The following HERC2 variants were observed in gnomAD, a reference collection of about 807,000 sequenced individuals.
HERC2 encodes E3 ubiquitin-protein ligase HERC2.
HERC2 carries 102 observed loss-of-function variants against 537.7 expected under a neutral mutation model. That is an observed-to-expected ratio of 0.19 (90% CI 0.16 to 0.22). HERC2 has a LOEUF of 0.22. Among genes scored for constraint, HERC2 ranks in the 10% least tolerant of loss-of-function variants. The pLI is 1.00. For missense variants in HERC2, 4,236 were observed against 6,198.2 expected (o/e 0.68, Z 10.63); for synonymous variants, 2,224 against 2,466.2 (o/e 0.90, Z 2.91).
intron 45 of HERC2, among the ~76,000 whole-genome samples, chr15:28,204,192 G>A (rs1325892741): frequency 6.6e-6 from 1 of 152,088 alleles, no homozygotes; most frequent in African/African-American, 2.4e-5. Flanking sequence ...ATATGTGAAG[G>A]ACAACAACCA....
chr15:28,143,785 C>G (rs1891465324), intron 74 of HERC2, 88 bp downstream of exon 74: 1 of 1,542,972 alleles, frequency 6.5e-7, no homozygotes, highest in Non-Finnish European at 8.9e-7. Context: ...CCCAACTCCT[C>G]TCAACGATTT....
chr15:28,275,000 C>A lies in HERC2; in HGVS notation c.548G>T (p.Arg183Leu), dbSNP rs139657402. 32 of 1,604,226 alleles carry A rather than the reference C, an allele frequency of 2.0e-5. No individual in the cohort carries two copies. The highest frequency in any genetic ancestry group is 2.5e-5 in the Non-Finnish European group (30 of 1,178,416). The change falls in exon 6 of 93, where the codon CGG becomes CTG. Residue 183 changes from arginine (R) to leucine (L), a missense_variant. Arg to Leu is a moderately radical substitution (Grantham distance 102). Transcript: ENST00000261609. ...SLPPVDKKSS[R>L]PAGKGVEGLA... The stretch of plus-strand genomic sequence containing the variant: ...CCCCTCCACACCTTTGCCCGCAGGC[C>A]GGGAACTGCAGACGACACACACGGA...
At chr15:28,315,816 G>T in intron 2 of HERC2, 1 of 979,506 alleles carries the variant, frequency 1.0e-6, no homozygotes, top group South Asian at 1.3e-5. Flanking sequence ...CAGAAACATG[G>T]AATGCCAGAC....
chr15:28,319,242 A>T (rs1282881423), intron 2 of HERC2, among the ~76,000 whole-genome samples: 9 of 152,262 alleles, frequency 5.9e-5, no homozygotes, highest in African/African-American at 2.2e-4. Context: ...CCTCTGGTGC[A>T]CACTATCCAA....
At chr15:28,219,855 A>C (rs1419568386) in intron 37 of HERC2, among the ~76,000 whole-genome samples, 2 of 152,198 alleles carry the variant, frequency 1.3e-5, no homozygotes, top group African/African-American at 2.4e-5. Flanking sequence ...ACAGCTAAGA[A>C]ATGTCACGAA....
intron 69 of HERC2, among the ~76,000 whole-genome samples, chr15:28,154,431 G>A (rs1290020654): frequency 2.0e-5 from 3 of 152,164 alleles, no homozygotes; most frequent in South Asian, 2.1e-4. Context: ...GTTTGAAAAC[G>A]GCCGTATCCT....
At chr15:28,147,880 A>G (rs1891929419) in intron 70 of HERC2, among the ~76,000 whole-genome samples, 1 of 151,896 alleles carries the variant, frequency 6.6e-6, no homozygotes, top group Non-Finnish European at 1.5e-5. Flanking sequence ...ACAAAAAATA[A>G]AAATAAGTTA....
rs367649289 is a variant in HERC2 at position 28,202,398 on chromosome 15, A to G, written c.7429T>C (p.Phe2477Leu). Residue 2477 changes from phenylalanine to leucine, a missense_variant, in exon 46 of 93, where the codon TTT (phenylalanine) becomes CTT (leucine). This residue lies in a region of HERC2 where 606 missense variants were observed against 884.5 expected (regional missense o/e 0.69). Coordinates refer to ENST00000261609, the MANE Select transcript of HERC2 (RefSeq NM_004667.6). ...GCACCAGTGAGAGACTTCAGGGCAA[A>G]CTCGATGTTCCTTCTGGAAAATCCC... is the stretch of plus-strand genomic sequence containing the variant. ...EMGFSRRNIEFALKSLTGASG... is the reference protein window; with the variant it reads ...EMGFSRRNIELALKSLTGASG... The G allele has an allele frequency of 5.0e-6, 8 of 1,613,044 alleles. No homozygotes were observed. The African/African-American group carries it at 8.0e-5, about 16-fold the overall frequency.
chr15:28,260,860 A>C lies in HERC2; in HGVS notation c.2233T>G (p.Leu745Val), dbSNP rs150992740. ...GCAGGTTCTGGCTTGGTCACGCGCA[A>C]GGTGTCAAAGTGCTGGCACTGGTCG... The part of the protein sequence containing the change: ...SNDQCQHFDT[L>V]RVTKPEPAAL... Residue 745 changes from leucine (L) to valine (V), a missense_variant, in exon 16 of 93, where the codon TTG becomes GTG. By Grantham distance (32) the Leu-to-Val change is conservative (BLOSUM62 1). Coordinates refer to ENST00000261609, the MANE Select transcript of HERC2 (RefSeq NM_004667.6). 1.2e-6 allele frequency: 2 copies of C among 1,614,220 alleles called. No homozygotes were observed. The highest frequency in any genetic ancestry group is 1.3e-5 in the African/African-American group (1 of 75,052).
At position 28,233,179 on chromosome 15, in the gene HERC2, G is replaced by C; in HGVS notation, c.4642C>G (p.Gln1548Glu). The change falls in exon 30 of 93, where the codon CAA (glutamine) becomes GAA (glutamate). Residue 1548 changes from glutamine (Q) to glutamate (E), a missense_variant. Transcript: ENST00000261609. ...TTCCTTCGTTCTCGAATTATCTTTT[G>C]AGCTATCCTCCTCCAACGGGGCAAA... ...SSLPRWRRIA[Q>E]KIIRERRKKR... is the part of the protein sequence containing the mutation. 2 of 1,611,678 alleles carry C rather than the reference G, an allele frequency of 1.2e-6. No individual in the cohort carries two copies. Among genetic ancestry groups the C allele is most frequent in the Non-Finnish European group, 1.7e-6 (2 of 1,179,754 alleles).
At chr15:28,119,898 G>A (rs771734194) in intron 86 of HERC2, among the ~76,000 whole-genome samples, 2 of 152,126 alleles carry the variant, frequency 1.3e-5, no homozygotes, top group Non-Finnish European at 1.5e-5. Flanking sequence ...ATGATACAAA[G>A]ACAGAAACAA....
At chr15:28,202,273 G>A in intron 46 of HERC2, 24 bp from the exon 47 acceptor site, 1 of 1,610,274 alleles carries the variant, frequency 6.2e-7, no homozygotes, top group Admixed American at 1.7e-5. Flanking sequence ...ACACAGCACA[G>A]CAGCCACTGT....
chr15:28,190,330 CTTAAT>C (rs1376916473), intron 55 of HERC2: 3 of 152,048 alleles, frequency 2.0e-5, no homozygotes, highest in Non-Finnish European at 2.9e-5. Flanking sequence ...ACAAAAGTAT[CTTAAT>C]TTGTCTTATT....
rs544786125 is a variant in HERC2, at chr15:28,131,594, G to A, written c.12570+506C>T. Among the ~76,000 whole-genome samples the A allele has an allele frequency of 2.6e-5, 4 of 152,346 alleles. No homozygotes were observed. The East Asian group carries it at 7.7e-4, about 29-fold the overall frequency. ...CCTGCAGCCACCGGGCTTGAGTGGA[G>A]CAGAGCCGCCGACCCCACCAGGACT... On this transcript the variant is annotated intron_variant, in intron 81 of 92. Coordinates refer to ENST00000261609, the MANE Select transcript of HERC2 (RefSeq NM_004667.6).
At chr15:28,117,657 G>A in intron 86 of HERC2, 1 of 414,926 alleles carries the variant, frequency 2.4e-6, no homozygotes, top group South Asian at 1.8e-5. Context: ...CAGTGAGTGA[G>A]TGCCTCAGCC....
Position 28,192,155 on chromosome 15 carries a change from T to C in HERC2, c.8261-4A>G. On this transcript the variant is annotated splice_polypyrimidine_tract_variant and splice_region_variant and intron_variant, in intron 52 of 92. Coordinates refer to ENST00000261609, the MANE Select transcript of HERC2 (RefSeq NM_004667.6). Reference sequence around the variant, plus strand: ...CCACAAAATACCGCAGACTGACCTATTTCGTGATAGTCAAAAAGAGAATTA... The same window carrying C: ...CCACAAAATACCGCAGACTGACCTACTTCGTGATAGTCAAAAAGAGAATTA... 6.2e-7 allele frequency: 1 copy of C among 1,607,732 alleles called. No individual in the cohort carries two copies.
Position 28,125,009 on chromosome 15 carries a change from T to G in HERC2, c.12987A>C (p.Ala4329=), listed in dbSNP as rs574902055. The G allele has an allele frequency of 1.9e-6, 3 of 1,599,944 alleles. No individual in the cohort carries two copies. In the Admixed American group the frequency reaches 5.0e-5, roughly 27 times the overall value. The change falls in exon 84 of 93, where the codon GCA becomes GCC. Residue 4329 remains alanine, a synonymous_variant. Coordinates refer to ENST00000261609, the MANE Select transcript of HERC2 (RefSeq NM_004667.6). ...CACCCAACCTGCCCGGACTCACCTG[T>G]GCAGGGAGTTTGCCAGCACTGGCGG... is the stretch of plus-strand genomic sequence containing the variant. ...SKPASAGKLP[A]QVPMEYNHLQ... is the part of the protein sequence containing the mutation.
At chr15:28,256,559 C>T (rs1258976369) in intron 17 of HERC2, among the ~76,000 whole-genome samples, 1 of 152,136 alleles carries the variant, frequency 6.6e-6, no homozygotes, top group Admixed American at 6.5e-5. Context: ...AGCAGAAGAG[C>T]TAAACAACTA....
intron 2 of HERC2, chr15:28,320,106 C>T (rs1374101514): frequency 6.6e-6 from 1 of 151,956 alleles, no homozygotes; most frequent in East Asian, 1.9e-4. Context: ...ATAACAATCC[C>T]ATCATCCACA....
Sources: allele counts gnomAD v4.1 joint callset (sites outside exome capture counted in the v4.1 genomes callset), GRCh38; gene constraint gnomAD v4.1.1; regional missense constraint gnomAD v4.1.1; transcripts MANE v1.5; gene names NCBI Gene and HGNC (gene_info 2026-07-23, HGNC 2026-07-21).